CFAP251: variants seen among roughly 807,000 people sequenced by gnomAD.
CFAP251 encodes the protein cilia- and flagella-associated protein 251.
Under a neutral mutation model 126.7 loss-of-function variants are expected in CFAP251, and 93 were observed. That is an observed-to-expected ratio of 0.73 (90% CI 0.62 to 0.87). CFAP251 has a LOEUF of 0.87. CFAP251 is among the 40% of genes least tolerant of loss of function. The probability of loss-of-function intolerance (pLI) is 0.00; values close to 1 mark genes in which losing one functional copy is unlikely to be tolerated. For missense variants in CFAP251, 1,287 were observed against 1,389.2 expected (o/e 0.93, Z 1.17); for synonymous variants, 503 against 506.9 (o/e 0.99, Z 0.10).
intron 19 of CFAP251, among the ~76,000 whole-genome samples, chr12:121,991,469 T>C (rs2135812452): frequency 6.6e-6 from 1 of 152,284 alleles, no homozygotes; most frequent in Non-Finnish European, 1.5e-5. Flanking sequence ...ACCAACAGGA[T>C]TGACTTCACG....
chr12:121,983,174 TGTAGTGAGCTGTGA>T, intron 19 of CFAP251, among the ~76,000 whole-genome samples: 1 of 152,098 alleles, frequency 6.6e-6, no homozygotes, highest in Admixed American at 6.5e-5. Flanking sequence ...AGATCAAGAC[TGTAGTGAGCTGTGA>T]TTGTGCCATT....
intron 15 of CFAP251, among the ~76,000 whole-genome samples, chr12:121,966,166 C>G (rs868457399): frequency 4.4e-5 from 1 of 22,898 alleles, no homozygotes; most frequent in African/African-American, 1.4e-4. Flanking sequence ...CCCCTCCCCT[C>G]CCCTTCCCTC....
Position 121,975,336 on chromosome 12 carries a change from T to A in CFAP251, c.2862+2T>A. ...GGCCGGGAAGGAAAATTCTACAGGG[T>A]AATTGTCCCTAGAGTAAACACCTCC... is the stretch of plus-strand genomic sequence containing the variant. On this transcript the variant is annotated splice_donor_variant, in intron 18 of 21. Coordinates refer to ENST00000288912, the MANE Select transcript of CFAP251 (RefSeq NM_144668.6). LOFTEE classifies it high-confidence loss of function. 1 of 1,613,412 alleles carries A rather than the reference T, an allele frequency of 6.2e-7. No homozygotes were observed. The highest frequency in any genetic ancestry group is 8.5e-7 in the Non-Finnish European group (1 of 1,179,390).
intron 9 of CFAP251, among the ~76,000 whole-genome samples, chr12:121,952,240 T>TAAAA (rs558861973): frequency 0.011 from 966 of 91,974 alleles, 9 homozygotes; most frequent in South Asian, 0.038. Flanking sequence ...TCGTTTCTAC[T>TAAAA]AAAAAAAAAA....
intron 15 of CFAP251, among the ~76,000 whole-genome samples, chr12:121,963,356 A>G (rs1389835473): frequency 6.6e-6 from 1 of 152,028 alleles, no homozygotes; most frequent in South Asian, 2.1e-4. Context: ...GAGATAAACC[A>G]GGGGTCAGAC....
chr12:121,958,826 G>A, intron 12 of CFAP251, 117 bp from the exon 13 acceptor site: 2 of 1,272,364 alleles, frequency 1.6e-6, no homozygotes, highest in East Asian at 2.3e-5. Flanking sequence ...TCTCCGCACG[G>A]GAGCTTTGTT....
At chr12:121,921,719 C>G (rs781146486) in intron 2 of CFAP251, 36 bp downstream of exon 2, 54 of 1,572,470 alleles carry the variant, frequency 3.4e-5, no homozygotes, top group Non-Finnish European at 4.7e-5. Flanking sequence ...TCAATTCATT[C>G]AGAATCATTA....
intron 3 of CFAP251, among the ~76,000 whole-genome samples, chr12:121,928,759 C>T (rs921296510): frequency 1.1e-4 from 17 of 149,694 alleles, no homozygotes; most frequent in African/African-American, 3.7e-4. Context: ...TGCAGCATGA[C>T]GATCTCGGCT....
chr12:121,923,479 A>G (rs1022096137), intron 2 of CFAP251, 143 bp from the exon 3 acceptor site: 4 of 1,148,920 alleles, frequency 3.5e-6, no homozygotes, highest in Admixed American at 5.5e-5. Context: ...TTTTAAGTAC[A>G]AAATGTTCCA....
intron 5 of CFAP251, among the ~76,000 whole-genome samples, chr12:121,940,529 TAAAC>T (rs949334162): frequency 6.6e-5 from 10 of 152,192 alleles, no homozygotes; most frequent in South Asian, 2.1e-4. Flanking sequence ...TAGGACTCCA[TAAAC>T]AAACAAACAA....
chr12:121,944,885 CA>C (rs1881257864), intron 7 of CFAP251, among the ~76,000 whole-genome samples: 1 of 152,182 alleles, frequency 6.6e-6, no homozygotes, highest in Non-Finnish European at 1.5e-5. Flanking sequence ...TGAGCTCAAG[CA>C]GTCCTCCTAC....
intron 19 of CFAP251, among the ~76,000 whole-genome samples, chr12:121,979,776 G>A (rs989973738): frequency 2.0e-5 from 3 of 152,018 alleles, no homozygotes; most frequent in African/African-American, 4.8e-5. Flanking sequence ...ATGTTGGCCA[G>A]GCTGGTCTCG....
intron 19 of CFAP251, among the ~76,000 whole-genome samples, chr12:121,976,441 A>G (rs1001788450): frequency 2.0e-5 from 3 of 152,028 alleles, no homozygotes; most frequent in African/African-American, 7.2e-5. Flanking sequence ...CTCTTAACCT[A>G]GCAGGTGTTA....
chr12:121,979,563 C>CTTTTTTT (rs71082922), intron 19 of CFAP251, among the ~76,000 whole-genome samples: 3,891 of 84,828 alleles, frequency 0.046, 524 homozygotes, highest in Middle Eastern at 0.071. Context: ...CTTTCTTCTT[C>CTTTTTTT]TTTTTTTTTT....
chr12:121,970,247 G>C (rs997282785), intron 17 of CFAP251, among the ~76,000 whole-genome samples: 3 of 152,022 alleles, frequency 2.0e-5, no homozygotes, highest in Admixed American at 6.6e-5. Context: ...CCTGCTCCGT[G>C]CTAGCATGCA....
chr12:121,994,873 T>C (rs929395308), intron 19 of CFAP251, among the ~76,000 whole-genome samples: 4 of 142,932 alleles, frequency 2.8e-5, no homozygotes, highest in Non-Finnish European at 4.6e-5. Flanking sequence ...TGTTCACTTG[T>C]TTATCTGCTG....
Position 121,967,000 on chromosome 12 carries a change from A to G in CFAP251, c.2538A>G (p.Thr846=), listed in dbSNP as rs1244805048. 6.2e-7 allele frequency: 1 copy of G among 1,614,250 alleles called. No homozygotes were observed. Among genetic ancestry groups the G allele is most frequent in the Non-Finnish European group, 8.5e-7 (1 of 1,180,034 alleles). ...GPAYGSPIEQ[T]QVLPVRSMAE... is the part of the protein sequence containing the mutation. ...CTTATGGTTCCCCTATTGAGCAGAC[A>G]CAAGTCCTCCCAGTGAGAAGCATGG... The change falls in exon 16 of 22, where the codon ACA becomes ACG. Residue 846 remains threonine, a synonymous_variant. Transcript: ENST00000288912.
At chr12:121,942,122 ACTG>A (rs1881142199) in intron 5 of CFAP251, among the ~76,000 whole-genome samples, 1 of 152,180 alleles carries the variant, frequency 6.6e-6, no homozygotes, top group South Asian at 2.1e-4. Flanking sequence ...ATAACATAAA[ACTG>A]ACCATTTTAA....
At chr12:121,941,140 C>T (rs562255280) in intron 5 of CFAP251, among the ~76,000 whole-genome samples, 1 of 152,008 alleles carries the variant, frequency 6.6e-6, no homozygotes, top group Admixed American at 6.6e-5. Flanking sequence ...AAGTGATTCT[C>T]CTACCTCAGC....
Sources: gnomAD v4.1 joint callset for allele counts (sites outside exome capture counted in the v4.1 genomes callset) on GRCh38, gnomAD v4.1.1 for gene constraint, MANE v1.5 for transcripts, NCBI Gene and HGNC (gene_info 2026-07-23, HGNC 2026-07-21) for gene names.